Variants in EDA observed in about 807,000 individuals in gnomAD.
EDA encodes ectodysplasin A.
A neutral mutation model predicts 23.6 loss-of-function variants in EDA; 2 were observed. The ratio of observed to expected loss-of-function variants is 0.08; its 90% confidence interval spans 0.03 to 0.27. The LOEUF (loss-of-function observed/expected upper bound fraction) is 0.27, where lower values mean the gene tolerates loss of function less well. Ranked by LOEUF, EDA falls within the 10% of genes least tolerant of loss-of-function variation. The pLI is 1.00. For missense variants in EDA, 229 were observed against 324.2 expected, an observed-to-expected ratio of 0.71 and a Z score of 2.26; for synonymous variants, 131 against 132.0, an observed-to-expected ratio of 0.99 and a Z score of 0.05.
At chrX:69,680,825 A>G (rs1301259618) in intron 1 of EDA, among the ~76,000 whole-genome samples, 3 of 103,535 alleles carry the variant, frequency 2.9e-5, no homozygotes, top group Non-Finnish European at 5.9e-5. Flanking sequence ...ATTTACATTT[A>G]AAGTTAATAC....
chrX:69,713,573 C>T (rs1442055095), intron 1 of EDA, among the ~76,000 whole-genome samples: 1 of 111,858 alleles, frequency 8.9e-6, no homozygotes, highest in Non-Finnish European at 1.9e-5. Context: ...CCTGTTTCTA[C>T]AGTTTTGTCA....
intron 1 of EDA, among the ~76,000 whole-genome samples, chrX:69,906,447 T>A (rs1288602118): frequency 1.8e-5 from 2 of 112,561 alleles, no homozygotes; most frequent in Admixed American, 9.4e-5. Flanking sequence ...AATTTTAAAA[T>A]ATCACATTGA....
intron 1 of EDA, among the ~76,000 whole-genome samples, chrX:69,857,414 G>A (rs1042242302): frequency 9.0e-6 from 1 of 111,310 alleles, no homozygotes; most frequent in African/African-American, 3.3e-5. Context: ...AATGATGAAG[G>A]TATTGTTATG....
At position 69,684,784 on chromosome X, in the gene EDA, A is replaced by G. The variant is rs139802939; in HGVS notation, c.396+68080A>G. Among the ~76,000 whole-genome samples, 728 of 112,540 alleles carry G rather than the reference A, an allele frequency of 6.5e-3. 2 individuals carry two copies. Among genetic ancestry groups the G allele is most frequent in the South Asian group, 0.026 (70 of 2,716 alleles). On this transcript the variant is annotated intron_variant, in intron 1 of 7. Transcript: ENST00000374552. ...GACTGATTGAAATGCTGTATGCTCAATCATGTTAGTGTTTATTTGATAAGG... is the reference window on the plus strand; with the variant it reads ...GACTGATTGAAATGCTGTATGCTCAGTCATGTTAGTGTTTATTTGATAAGG...
intron 1 of EDA, among the ~76,000 whole-genome samples, chrX:69,910,962 A>G (rs1333004672): frequency 1.8e-5 from 2 of 111,788 alleles, no homozygotes; most frequent in Non-Finnish European, 3.8e-5. Flanking sequence ...TTTTTTTCAT[A>G]TGTTGAATGT....
chrX:69,737,606 T>C (rs1333243572), intron 1 of EDA, among the ~76,000 whole-genome samples: 1 of 112,519 alleles, frequency 8.9e-6, no homozygotes, highest in African/African-American at 3.2e-5. Flanking sequence ...ACATAGTTAT[T>C]TATCTTTTAA....
intron 1 of EDA, among the ~76,000 whole-genome samples, chrX:69,879,754 C>T (rs1439651734): frequency 8.9e-6 from 1 of 111,822 alleles, no homozygotes; most frequent in Admixed American, 9.5e-5. Flanking sequence ...TCCACCTACC[C>T]GTTGTTTCTA....
intron 2 of EDA, among the ~76,000 whole-genome samples, chrX:70,012,002 T>C (rs1039922772): frequency 1.3e-4 from 15 of 111,516 alleles, no homozygotes; most frequent in African/African-American, 4.6e-4. Context: ...TCCATGGCCC[T>C]GATTCCATCA....
intron 1 of EDA, among the ~76,000 whole-genome samples, chrX:69,673,535 T>C (rs1464879788): frequency 9.0e-6 from 1 of 111,227 alleles, no homozygotes; most frequent in East Asian, 2.8e-4. Context: ...TTTATCTTCC[T>C]TTTAGATGGT....
chrX:69,641,765 T>C (rs1229600699), intron 1 of EDA, among the ~76,000 whole-genome samples: 1 of 111,519 alleles, frequency 9.0e-6, no homozygotes, highest in Non-Finnish European at 1.9e-5. Flanking sequence ...CAGCAAGAAT[T>C]ATGTTAGGAC....
rs536176748 is a variant in EDA at position 69,818,198 on chromosome X, T to G, written c.397-138829T>G. 5.4e-5 allele frequency among the ~76,000 whole-genome samples: 6 copies of G among 111,582 alleles called. No individual in the cohort carries two copies. The South Asian group carries it at 1.5e-3, about 28-fold the overall frequency. On this transcript the variant is annotated intron_variant, in intron 1 of 7. Coordinates refer to ENST00000374552, the MANE Select transcript of EDA (RefSeq NM_001399.5). Reference sequence around the variant, plus strand: ...GAGAACAAAGAGACAGTGAACCTGATTCTCTGGGATGCAGCTAAAGCAGTG... The same window carrying G: ...GAGAACAAAGAGACAGTGAACCTGAGTCTCTGGGATGCAGCTAAAGCAGTG...
chrX:69,999,005 T>C (rs1478236222), intron 2 of EDA, among the ~76,000 whole-genome samples: 1 of 112,013 alleles, frequency 8.9e-6, no homozygotes, highest in East Asian at 2.8e-4. Flanking sequence ...CTTTGTTTCT[T>C]ATCTCCTTGA....
chrX:69,736,860 CT>C (rs1387468652), intron 1 of EDA, among the ~76,000 whole-genome samples: 1 of 105,876 alleles, frequency 9.4e-6, no homozygotes, highest in Non-Finnish European at 1.9e-5. Flanking sequence ...CAACCTTAGT[CT>C]CCTGGATTCA....
At chrX:69,788,861 C>G (rs1488578139) in intron 1 of EDA, among the ~76,000 whole-genome samples, 1 of 113,124 alleles carries the variant, frequency 8.8e-6, no homozygotes, top group Non-Finnish European at 1.9e-5. Flanking sequence ...CTAAGCAAGC[C>G]TGGGCAATGG....
At chrX:69,973,817 C>G (rs2019279535) in intron 2 of EDA, among the ~76,000 whole-genome samples, 1 of 111,075 alleles carries the variant, frequency 9.0e-6, no homozygotes, top group Non-Finnish European at 1.9e-5. Context: ...TGAATCTTAC[C>G]AATATAATGT....
At chrX:69,963,797 G>A (rs983059486) in intron 2 of EDA, among the ~76,000 whole-genome samples, 1 of 111,205 alleles carries the variant, frequency 9.0e-6, no homozygotes, top group Non-Finnish European at 1.9e-5. Context: ...AGTATGTAAG[G>A]CCTAAATTGA....
chrX:69,799,023 T>A (rs1024330422), intron 1 of EDA, among the ~76,000 whole-genome samples: 1 of 110,828 alleles, frequency 9.0e-6, no homozygotes, highest in African/African-American at 3.3e-5. Context: ...GGGAACAGAA[T>A]AGAGAACCCA....
intron 1 of EDA, among the ~76,000 whole-genome samples, chrX:69,883,832 C>T (rs1028781878): frequency 9.0e-6 from 1 of 111,029 alleles, no homozygotes; most frequent in Non-Finnish European, 1.9e-5. Context: ...TGTGGTGGCT[C>T]ATGCCTGTAA....
chrX:69,725,150 A>G (rs896716120), intron 1 of EDA, among the ~76,000 whole-genome samples: 7 of 111,666 alleles, frequency 6.3e-5, no homozygotes, highest in Non-Finnish European at 1.1e-4. Context: ...GTGGATTTCT[A>G]CCTCTGGGAA....
Sources: allele counts gnomAD v4.1 joint callset (sites outside exome capture counted in the v4.1 genomes callset), GRCh38; gene constraint gnomAD v4.1.1; transcripts MANE v1.5; gene names NCBI Gene and HGNC (gene_info 2026-07-23, HGNC 2026-07-21).